Variants in SLC35D4 observed in about 807,000 individuals in gnomAD.
The protein encoded by SLC35D4 is UDP-N-acetylglucosamine transporter SLC35D4.
At chr18:23,336,760 C>G in the SLC35D4 span, among the ~76,000 whole-genome samples, 2 of 152,018 alleles carry the variant, frequency 1.3e-5, no homozygotes, top group African/African-American at 4.8e-5. Flanking sequence ...GGAGAGGAGC[C>G]CCCTCTTCTG....
At chr18:23,362,396 C>T in the SLC35D4 span, among the ~76,000 whole-genome samples, 1 of 152,060 alleles carries the variant, frequency 6.6e-6, no homozygotes, top group Non-Finnish European at 1.5e-5. Context: ...GTCAGGCATT[C>T]GAGACCAGCC....
the SLC35D4 span, among the ~76,000 whole-genome samples, chr18:23,255,791 C>A: frequency 6.6e-6 from 1 of 152,020 alleles, no homozygotes. Context: ...GAACTCCTGG[C>A]CTCAAGCTAT....
chr18:23,278,073 A>G, the SLC35D4 span, among the ~76,000 whole-genome samples: 1 of 152,196 alleles, frequency 6.6e-6, no homozygotes, highest in African/African-American at 2.4e-5. Context: ...TCACATTGCA[A>G]ATGGCATGGG....
the SLC35D4 span, among the ~76,000 whole-genome samples, chr18:23,408,816 C>CTTTT: frequency 1.5e-4 from 17 of 114,832 alleles, no homozygotes; most frequent in Non-Finnish European, 1.9e-4. Flanking sequence ...TCTTATCTCT[C>CTTTT]TTTTTTTTTT....
chr18:23,390,733 T>C, the SLC35D4 span, among the ~76,000 whole-genome samples: 3 of 152,232 alleles, frequency 2.0e-5, no homozygotes, highest in African/African-American at 2.4e-5. Flanking sequence ...ACGACTCCCC[T>C]ATTCAAGCGC....
chr18:23,372,081 G>A, the SLC35D4 span, among the ~76,000 whole-genome samples: 5 of 146,366 alleles, frequency 3.4e-5, no homozygotes, highest in Admixed American at 6.8e-5. Flanking sequence ...GACTACAGGC[G>A]CCCGCCACTA....
At chr18:23,435,168 A>T in the SLC35D4 span, among the ~76,000 whole-genome samples, 1 of 152,100 alleles carries the variant, frequency 6.6e-6, no homozygotes, top group African/African-American at 2.4e-5. Context: ...AGAAAAAAAA[A>T]AATTAGAAAA....
At chr18:23,400,845 T>C in the SLC35D4 span, among the ~76,000 whole-genome samples, 4 of 152,242 alleles carry the variant, frequency 2.6e-5, no homozygotes, top group Non-Finnish European at 5.9e-5. Context: ...AGGTCTGATC[T>C]GTACAACTTC....
chr18:23,317,835 G>A, the SLC35D4 span, among the ~76,000 whole-genome samples: 5 of 151,940 alleles, frequency 3.3e-5, no homozygotes, highest in African/African-American at 1.2e-4. Flanking sequence ...CGCCTCCACG[G>A]TTCAAGCGAT....
chr18:23,254,257 C>T, the SLC35D4 span, among the ~76,000 whole-genome samples: 3 of 152,238 alleles, frequency 2.0e-5, no homozygotes, highest in African/African-American at 7.2e-5. Flanking sequence ...GGCAGTGTGA[C>T]CCACAGAGCA....
chr18:23,289,869 TGCCA>T, the SLC35D4 span, among the ~76,000 whole-genome samples: 1 of 151,948 alleles, frequency 6.6e-6, no homozygotes, highest in African/African-American at 2.4e-5. Context: ...CACTCCTGCC[TGCCA>T]GAGAACAACC....
At chr18:23,240,268 G>T in the SLC35D4 span, among the ~76,000 whole-genome samples, 1 of 152,244 alleles carries the variant, frequency 6.6e-6, no homozygotes, top group African/African-American at 2.4e-5. Flanking sequence ...TTTTGGTAGG[G>T]AGAGCCCAGT....
chr18:23,334,327 ACCCCACACCAC>A, the SLC35D4 span, among the ~76,000 whole-genome samples: 1 of 152,010 alleles, frequency 6.6e-6, no homozygotes, highest in Admixed American at 6.6e-5. Context: ...AGCAATCCCC[ACCCCACACCAC>A]CCCAGAGCTC....
chr18:23,408,155 ACACAC>A, the SLC35D4 span, among the ~76,000 whole-genome samples: 3 of 100,386 alleles, frequency 3.0e-5, no homozygotes, highest in African/African-American at 1.9e-4. Flanking sequence ...TGAGACACAC[ACACAC>A]ACACACACAC....
At chr18:23,436,326 G>A in the SLC35D4 span, among the ~76,000 whole-genome samples, 1 of 144,640 alleles carries the variant, frequency 6.9e-6, no homozygotes, top group Non-Finnish European at 1.5e-5. Flanking sequence ...CCACGCCCGG[G>A]CCACAACAAC....
the SLC35D4 span, among the ~76,000 whole-genome samples, chr18:23,275,020 T>TGTGTGA: frequency 7.9e-4 from 118 of 148,810 alleles, no homozygotes; most frequent in South Asian, 7.9e-3. Context: ...TGTGTGTGCT[T>TGTGTGA]GTGTGTCTGC....
the SLC35D4 span, among the ~76,000 whole-genome samples, chr18:23,249,950 A>C: frequency 6.6e-6 from 1 of 152,190 alleles, no homozygotes; most frequent in Non-Finnish European, 1.5e-5. Context: ...CCTGCGGCTC[A>C]CTCAGGTCTG....
At chr18:23,404,992 C>CAAACA in the SLC35D4 span, among the ~76,000 whole-genome samples, 4 of 44,480 alleles carry the variant, frequency 9.0e-5, no homozygotes, top group South Asian at 1.3e-3. Context: ...GACTCCGTCT[C>CAAACA]AAAAAAAAAA....
At chr18:23,276,119 A>G in the SLC35D4 span, among the ~76,000 whole-genome samples, 92 of 151,674 alleles carry the variant, frequency 6.1e-4, 1 homozygote, top group South Asian at 5.8e-3. Flanking sequence ...ATGGAGTCTC[A>G]CTCTGTCGCC....
Sources: gnomAD v4.1 joint callset for allele counts (sites outside exome capture counted in the v4.1 genomes callset) on GRCh38, gnomAD v4.1.1 for gene constraint, MANE v1.5 for transcripts, NCBI Gene and HGNC (gene_info 2026-07-23, HGNC 2026-07-21) for gene names.